Variants in LRRC8D observed in about 807,000 individuals in gnomAD.
LRRC8D encodes the protein volume-regulated anion channel subunit LRRC8D.
A neutral mutation model predicts 55.8 loss-of-function variants in LRRC8D; 20 were observed. The ratio of observed to expected loss-of-function variants is 0.36; its 90% CI spans 0.25 to 0.52. The LOEUF is 0.52. Among genes scored for constraint, LRRC8D ranks in the 20% least tolerant of loss-of-function variants. The pLI, the probability that LRRC8D is intolerant of heterozygous loss-of-function variation, is 0.93. For synonymous variants in LRRC8D, 352 were observed against 377.0 expected, an observed-to-expected ratio of 0.93 and a Z score of 0.77; for missense variants, 651 against 1,030.8, an observed-to-expected ratio of 0.63 and a Z score of 5.05.
chr1:89,935,700 G>C lies in LRRC8D; in HGVS notation c.*55G>C. 6.7e-7 allele frequency: 1 copy of C among 1,501,432 alleles called. No individual in the cohort carries two copies. The highest frequency in any genetic ancestry group is 1.2e-5 in the South Asian group (1 of 83,224). 93.0% of individuals were successfully genotyped at this position (1,501,432 alleles called of 1,614,324 possible). A position where few individuals can be genotyped will look rare whatever the true frequency, so the allele number is the denominator to read the frequency against. On this transcript the variant is annotated 3_prime_UTR_variant, in exon 3 of 3. Coordinates refer to ENST00000337338, the MANE Select transcript of LRRC8D (RefSeq NM_001134479.2). Reference sequence around the variant, plus strand: ...AGGAACAACTTCCTAGATTGCAAGTGCTCACGTACAAGTTATTACAAGATA... The same window carrying C: ...AGGAACAACTTCCTAGATTGCAAGTCCTCACGTACAAGTTATTACAAGATA...
At chr1:89,878,110 C>CT (rs1662193098) in intron 2 of LRRC8D, among the ~76,000 whole-genome samples, 1 of 152,144 alleles carries the variant, frequency 6.6e-6, no homozygotes, top group Non-Finnish European at 1.5e-5. Flanking sequence ...TTTCTTAACT[C>CT]TTTCATCTTC....
At chr1:89,870,542 G>C (rs1426047856) in intron 2 of LRRC8D, among the ~76,000 whole-genome samples, 1 of 151,894 alleles carries the variant, frequency 6.6e-6, no homozygotes, top group African/African-American at 2.4e-5. Flanking sequence ...GTCAAGAAGA[G>C]AGTCTAGTTA....
intron 2 of LRRC8D, among the ~76,000 whole-genome samples, chr1:89,884,321 C>T (rs1050668275): frequency 3.9e-5 from 6 of 152,154 alleles, no homozygotes; most frequent in African/African-American, 1.4e-4. Context: ...TATTTCCTGA[C>T]ATTAGTCACT....
At chr1:89,926,988 C>T (rs1663581281) in intron 2 of LRRC8D, among the ~76,000 whole-genome samples, 1 of 152,240 alleles carries the variant, frequency 6.6e-6, no homozygotes, top group Non-Finnish European at 1.5e-5. Context: ...AGGATTCAGG[C>T]AATGTTCCAC....
intron 1 of LRRC8D, among the ~76,000 whole-genome samples, chr1:89,823,814 C>G (rs1660699450): frequency 6.6e-6 from 1 of 152,126 alleles, no homozygotes; most frequent in Non-Finnish European, 1.5e-5. Context: ...TCTAAGAATC[C>G]AGGGTGTGTG....
intron 1 of LRRC8D, among the ~76,000 whole-genome samples, chr1:89,839,515 T>G (rs1661081031): frequency 6.6e-6 from 1 of 152,230 alleles, no homozygotes; most frequent in Non-Finnish European, 1.5e-5. Flanking sequence ...TTGCGACCCC[T>G]TGCTGCATTT....
intron 1 of LRRC8D, among the ~76,000 whole-genome samples, chr1:89,833,995 C>A (rs546620617): frequency 6.6e-6 from 1 of 152,084 alleles, no homozygotes. Flanking sequence ...CTCTGGGCAG[C>A]GACACTGTGG....
At chr1:89,828,758 A>C (rs1478218210) in intron 1 of LRRC8D, among the ~76,000 whole-genome samples, 1 of 151,820 alleles carries the variant, frequency 6.6e-6, no homozygotes, top group South Asian at 2.1e-4. Flanking sequence ...TTTTTTTCTT[A>C]AAACATTTTT....
At chr1:89,873,959 T>C (rs1440674774) in intron 2 of LRRC8D, among the ~76,000 whole-genome samples, 2 of 152,226 alleles carry the variant, frequency 1.3e-5, no homozygotes, top group African/African-American at 4.8e-5. Flanking sequence ...TGCTTGTTCA[T>C]AGATCTAAGC....
intron 2 of LRRC8D, among the ~76,000 whole-genome samples, chr1:89,861,787 T>C (rs780684905): frequency 2.0e-5 from 3 of 152,242 alleles, no homozygotes; most frequent in Non-Finnish European, 4.4e-5. Context: ...CAGGGACTTA[T>C]GGATGTAGAA....
intron 2 of LRRC8D, among the ~76,000 whole-genome samples, chr1:89,875,438 T>C (rs1662122272): frequency 6.6e-6 from 1 of 152,126 alleles, no homozygotes; most frequent in South Asian, 2.1e-4. Context: ...TATAACAAAA[T>C]CCTTATCCTT....
intron 2 of LRRC8D, among the ~76,000 whole-genome samples, chr1:89,902,838 T>C (rs1026015521): frequency 2.0e-5 from 3 of 152,236 alleles, no homozygotes; most frequent in Non-Finnish European, 4.4e-5. Flanking sequence ...AAAGGATGTT[T>C]TCTAATGGGT....
In LRRC8D at chr1:89,908,291, T is replaced by C. The variant is rs536190839; in HGVS notation, c.-2-24776T>C. On this transcript the variant is annotated intron_variant, in intron 2 of 2. Coordinates refer to ENST00000337338, the MANE Select transcript of LRRC8D (RefSeq NM_001134479.2). ...AAGTATTTCATATTCATCATCTCAC[T>C]TCTCGTTACACCTCTGTGAAATAGG... Among the ~76,000 whole-genome samples, 21 of 152,372 alleles carry C rather than the reference T, an allele frequency of 1.4e-4. 1 individual carries two copies. In the South Asian group the frequency reaches 4.3e-3, roughly 32 times the overall value.
Position 89,843,653 on chromosome 1 carries a change from C to T in LRRC8D, c.-132C>T, listed in dbSNP as rs1231688779. On this transcript the variant is annotated 5_prime_UTR_variant, in exon 2 of 3. Transcript: ENST00000337338. The stretch of plus-strand genomic sequence containing the variant: ...TTTCAAACAGGAAGTGCACGGCTGT[C>T]TATAACGTGCTGCCGGGTCTCAGGA... 1 of 702,466 alleles carries T rather than the reference C, an allele frequency of 1.4e-6. No individual in the cohort carries two copies. The highest frequency in any genetic ancestry group is 2.6e-6 in the Non-Finnish European group (1 of 384,912). 43.5% of individuals were successfully genotyped at this position (702,466 alleles called of 1,614,324 possible).
rs572787468 is a variant in LRRC8D at position 89,821,865 on chromosome 1, G to A, written c.-148+574G>A. ...CCCCCCGCGCCTGTGGGAGGGAGCTGGGGGCCCGCAGGTGCACCCAGCCGT... is the reference window on the plus strand; with the variant it reads ...CCCCCCGCGCCTGTGGGAGGGAGCTAGGGGCCCGCAGGTGCACCCAGCCGT... On this transcript the variant is annotated intron_variant, in intron 1 of 2. Coordinates refer to ENST00000337338, the MANE Select transcript of LRRC8D (RefSeq NM_001134479.2). The A allele has an allele frequency of 1.3e-4, 20 of 152,248 alleles. No individual in the cohort carries two copies. In the East Asian group the frequency reaches 3.9e-3, roughly 30 times the overall value. 9.4% of individuals were successfully genotyped at this position (152,248 alleles called of 1,614,324 possible). A position where few individuals can be genotyped will look rare whatever the true frequency, so the allele number is the denominator to read the frequency against.
chr1:89,880,479 C>G (rs1490932353), intron 2 of LRRC8D, among the ~76,000 whole-genome samples: 3 of 149,620 alleles, frequency 2.0e-5, no homozygotes, highest in African/African-American at 4.9e-5. Context: ...TTTGGCCTAC[C>G]ATTTACTTGC....
chr1:89,867,929 G>T (rs1043541992), intron 2 of LRRC8D, among the ~76,000 whole-genome samples: 2 of 152,220 alleles, frequency 1.3e-5, no homozygotes, highest in South Asian at 2.1e-4. Flanking sequence ...GAAAGACAAA[G>T]AGTAAATGGC....
At chr1:89,901,395 G>T (rs1192173828) in intron 2 of LRRC8D, among the ~76,000 whole-genome samples, 4 of 152,168 alleles carry the variant, frequency 2.6e-5, no homozygotes, top group Non-Finnish European at 5.9e-5. Flanking sequence ...GAAAAGATTG[G>T]GTTTAGATTG....
chr1:89,848,685 G>A (rs1661338182), intron 2 of LRRC8D, among the ~76,000 whole-genome samples: 1 of 151,848 alleles, frequency 6.6e-6, no homozygotes, highest in Admixed American at 6.6e-5. Flanking sequence ...TAATAACCCT[G>A]TTTGTTTTTT....
Sources: allele counts gnomAD v4.1 joint callset (sites outside exome capture counted in the v4.1 genomes callset), GRCh38; gene constraint gnomAD v4.1.1; transcripts MANE v1.5; gene names NCBI Gene and HGNC (gene_info 2026-07-23, HGNC 2026-07-21).